The following ZNF236 variants were observed in gnomAD, a reference collection of about 807,000 sequenced individuals.
The protein encoded by ZNF236 is regulated by glucose.
ZNF236 carries 50 observed loss-of-function variants against 191.2 expected under a neutral mutation model. That is an observed-to-expected ratio of 0.26 (90% CI 0.21 to 0.33). The LOEUF (loss-of-function observed/expected upper bound fraction) is 0.33. ZNF236 is among the 10% of genes least tolerant of loss of function. The pLI is 1.00. For synonymous variants in ZNF236, 907 were observed against 928.8 expected, an observed-to-expected ratio of 0.98 and a Z score of 0.43; for missense variants, 1,754 against 2,374.5, an observed-to-expected ratio of 0.74 and a Z score of 5.43.
chr18:76,942,962 A>C (rs1263327783), intron 26 of ZNF236, among the ~76,000 whole-genome samples: 2 of 150,436 alleles, frequency 1.3e-5, no homozygotes, highest in Non-Finnish European at 3.0e-5. Context: ...TCTCTACTAA[A>C]AATACAAAAA....
chr18:76,947,338 T>G (rs1029788833), intron 26 of ZNF236, among the ~76,000 whole-genome samples, 183 bp from the exon 27 acceptor site: 3 of 152,098 alleles, frequency 2.0e-5, no homozygotes, highest in Non-Finnish European at 4.4e-5. Flanking sequence ...CCTGTGGACA[T>G]TTCTGTACAA....
chr18:76,920,970 T>C (rs1967516453), intron 20 of ZNF236, among the ~76,000 whole-genome samples: 1 of 152,228 alleles, frequency 6.6e-6, no homozygotes, highest in African/African-American at 2.4e-5. Flanking sequence ...GCTTATGTTT[T>C]GCTCTAGGAG....
In ZNF236 at chr18:76,912,350, A is replaced by G. The variant is rs2122771892; in HGVS notation, c.2909+3A>G. 2 of 1,611,572 alleles carry G rather than the reference A, an allele frequency of 1.2e-6. No homozygotes were observed. The highest frequency in any genetic ancestry group is 2.2e-5 in the East Asian group (1 of 44,864). On this transcript the variant is annotated splice_donor_region_variant and intron_variant, in intron 17 of 30. Coordinates refer to ENST00000320610, the MANE Select transcript of ZNF236 (RefSeq NM_001306089.2). ...GACCAGAGCAGGCGCTCTTACAGGT[A>G]GTTGTCTGCACAGACCAGCTCATGG...
intron 17 of ZNF236, 76 bp from the exon 18 acceptor site, chr18:76,913,670 TC>T: frequency 2.0e-6 from 3 of 1,508,932 alleles, no homozygotes; most frequent in Non-Finnish European, 2.7e-6. Context: ...TGTTTGCTTT[TC>T]TTCCCTTTTC....
Position 76,880,697 on chromosome 18 carries a change from G to A in ZNF236, c.1188+381G>A, listed in dbSNP as rs1219873011. The stretch of plus-strand genomic sequence containing the variant: ...CATGGGTGTTGACAATTCTGAGAGC[G>A]TTCATACTGCCTGGCCTTCTCTCGT... On this transcript the variant is annotated intron_variant, in intron 8 of 30. Transcript: ENST00000320610. This position sits in a 1 kb window ranked among gnomAD's most constrained non-coding sequence, Gnocchi z 5.0. Among the ~76,000 whole-genome samples, 1 of 152,116 alleles carries A rather than the reference G, an allele frequency of 6.6e-6. No homozygotes were observed. Among genetic ancestry groups the A allele is most frequent in the Non-Finnish European group, 1.5e-5 (1 of 68,020 alleles).
intron 3 of ZNF236, among the ~76,000 whole-genome samples, chr18:76,868,114 G>T (rs560744070): frequency 6.6e-6 from 1 of 152,268 alleles, no homozygotes; most frequent in Admixed American, 6.5e-5. Context: ...GAACTCCTGT[G>T]TGTGTGTGTG....
chr18:76,872,171 C>T (rs1312582804), intron 5 of ZNF236, among the ~76,000 whole-genome samples: 1 of 152,160 alleles, frequency 6.6e-6, no homozygotes, highest in Non-Finnish European at 1.5e-5. Context: ...AGATATTATA[C>T]TGCACTAATT....
chr18:76,944,462 C>T (rs1256393363), intron 26 of ZNF236, among the ~76,000 whole-genome samples: 1 of 152,126 alleles, frequency 6.6e-6, no homozygotes, highest in Non-Finnish European at 1.5e-5. Flanking sequence ...TTTTATTGGA[C>T]ACTGATTTTT....
Position 76,912,215 on chromosome 18 carries a change from G to T in ZNF236, c.2806-29G>T, listed in dbSNP as rs762213832. ...ATGTTTATTCACAGATATTCAAGTA[G>T]TTTGCTTTATACTTCTCTTAAATTT... On this transcript the variant is annotated intron_variant, in intron 16 of 30. Transcript: ENST00000320610. 2.4e-5 allele frequency: 37 copies of T among 1,545,290 alleles called. No homozygotes were observed. In the South Asian group the frequency reaches 4.2e-4, roughly 17 times the overall value.
intron 27 of ZNF236, among the ~76,000 whole-genome samples, chr18:76,955,354 C>T (rs1474782039): frequency 6.6e-6 from 1 of 152,138 alleles, no homozygotes; most frequent in Non-Finnish European, 1.5e-5. Flanking sequence ...GAGTTTGAGG[C>T]TGTCCTGAGC....
At chr18:76,943,004 T>C (rs192900590) in intron 26 of ZNF236, among the ~76,000 whole-genome samples, 6 of 149,582 alleles carry the variant, frequency 4.0e-5, no homozygotes, top group African/African-American at 1.5e-4. Flanking sequence ...GCACCTGTGG[T>C]CCCAGCTACT....
At chr18:76,858,296 A>T (rs1355989920) in intron 3 of ZNF236, among the ~76,000 whole-genome samples, 1 of 152,258 alleles carries the variant, frequency 6.6e-6, no homozygotes. Flanking sequence ...AAATAATAGT[A>T]CAATGGATAT....
At chr18:76,874,967 A>G (rs762356780) in intron 5 of ZNF236, among the ~76,000 whole-genome samples, 2 of 152,216 alleles carry the variant, frequency 1.3e-5, no homozygotes, top group African/African-American at 2.4e-5. Flanking sequence ...TTCAGCAGAC[A>G]AGTGACTTGC....
At chr18:76,911,852 G>A (rs1361376460) in intron 16 of ZNF236, among the ~76,000 whole-genome samples, 1 of 152,172 alleles carries the variant, frequency 6.6e-6, no homozygotes, top group Non-Finnish European at 1.5e-5. Context: ...TGGGGATGGA[G>A]AGCATGTCTT....
At chr18:76,856,071 T>G (rs955734794) in intron 3 of ZNF236, among the ~76,000 whole-genome samples, 1 of 152,104 alleles carries the variant, frequency 6.6e-6, no homozygotes, top group Non-Finnish European at 1.5e-5. Flanking sequence ...TTTAAAAAAA[T>G]TATTACTTAA....
At position 76,897,654 on chromosome 18, in the gene ZNF236, G is replaced by A. The variant is rs553942262; in HGVS notation, c.1691-1365G>A. ...AAACACAGTACTGTACATAGGCACT[G>A]CCCATAGTACCAAACACAGTACTGC... is the stretch of plus-strand genomic sequence containing the variant. On this transcript the variant is annotated intron_variant, in intron 10 of 30. Transcript: ENST00000320610. Among the ~76,000 whole-genome samples, 9 of 151,492 alleles carry A rather than the reference G, an allele frequency of 5.9e-5. No individual in the cohort carries two copies. In the South Asian group the frequency reaches 1.5e-3, roughly 25 times the overall value.
chr18:76,960,939 C>T lies in ZNF236; in HGVS notation c.5419+84C>T. On this transcript the variant is annotated intron_variant, in intron 30 of 30. Transcript: ENST00000320610. This position sits in a 1 kb window ranked among gnomAD's most constrained non-coding sequence, Gnocchi z 4.4. Reference sequence around the variant, plus strand: ...TTCGCATACATTGTTTCCTTTAGTTCACACAGTGATTTTGCATTGCACGTG... The same window carrying T: ...TTCGCATACATTGTTTCCTTTAGTTTACACAGTGATTTTGCATTGCACGTG... 1 of 1,427,220 alleles carries T rather than the reference C, an allele frequency of 7.0e-7. No individual in the cohort carries two copies. Among genetic ancestry groups the T allele is most frequent in the South Asian group, 1.4e-5 (1 of 71,760 alleles). The allele number at this position is 1,427,220 out of a possible 1,614,324, so 88.4% of individuals were successfully genotyped here.
intron 2 of ZNF236, among the ~76,000 whole-genome samples, chr18:76,851,262 CCT>C (rs1491361329): frequency 4.8e-5 from 7 of 145,426 alleles, no homozygotes; most frequent in African/African-American, 1.6e-4. Context: ...GAGAAAGAAA[CCT>C]TTTTTTTTTT....
intron 5 of ZNF236, among the ~76,000 whole-genome samples, chr18:76,872,952 T>C (rs1216471073): frequency 6.6e-6 from 1 of 152,214 alleles, no homozygotes; most frequent in African/African-American, 2.4e-5. Context: ...TGAATATTTC[T>C]ATGTAGAGTA....
Sources: allele counts gnomAD v4.1 joint callset (sites outside exome capture counted in the v4.1 genomes callset), GRCh38; gene constraint gnomAD v4.1.1; non-coding constraint Gnocchi (gnomAD v3.1); transcripts MANE v1.5; gene names NCBI Gene and HGNC (gene_info 2026-07-23, HGNC 2026-07-21).